Variants in ZC3H12D observed in about 807,000 individuals in gnomAD.
The protein encoded by ZC3H12D is probable ribonuclease ZC3H12D.
ZC3H12D carries 11 observed loss-of-function variants against 24.2 expected under a neutral mutation model. That is an observed-to-expected ratio of 0.46 (90% CI 0.29 to 0.75). The LOEUF (loss-of-function observed/expected upper bound fraction) is 0.75, where lower values mean the gene tolerates loss of function less well. Among genes scored for constraint, ZC3H12D ranks in the 30% least tolerant of loss-of-function variants. The pLI is 0.11. For synonymous variants in ZC3H12D, 333 were observed against 341.8 expected (o/e 0.97, Z 0.28); for missense variants, 740 against 767.7 (o/e 0.96, Z 0.43).
At chr6:149,482,584 C>T (rs1211493994) in intron 1 of ZC3H12D, among the ~76,000 whole-genome samples, 1 of 152,094 alleles carries the variant, frequency 6.6e-6, no homozygotes, top group Non-Finnish European at 1.5e-5. Flanking sequence ...GGGAGGGGGC[C>T]CCACGGCTGG....
chr6:149,460,477 C>A (rs1001636874), intron 3 of ZC3H12D, among the ~76,000 whole-genome samples: 9 of 152,150 alleles, frequency 5.9e-5, no homozygotes, highest in African/African-American at 1.7e-4. Context: ...AGAGGGATGG[C>A]TTGCGTCCAG....
chr6:149,464,236 C>G (rs1404097012), intron 2 of ZC3H12D, among the ~76,000 whole-genome samples: 1 of 152,148 alleles, frequency 6.6e-6, no homozygotes, highest in Non-Finnish European at 1.5e-5. Context: ...GGATGTGCAT[C>G]AGGAAAGCCA....
Position 149,456,989 on chromosome 6 carries a change from G to T in ZC3H12D, c.446-89C>A. The stretch of plus-strand genomic sequence containing the variant: ...CAACGCGAGGCCACCCGCTTCCCGG[G>T]CCGGTCAGATGAGGTTTTGAGGGGA... On this transcript the variant is annotated intron_variant, in intron 3 of 5. Coordinates refer to ENST00000409806, the MANE Select transcript of ZC3H12D (RefSeq NM_207360.3). The surrounding 1 kb of genome is among the most constrained non-coding windows in gnomAD (Gnocchi z 4.3). 1 of 1,343,070 alleles carries T rather than the reference G, an allele frequency of 7.4e-7. No individual in the cohort carries two copies. Among genetic ancestry groups the T allele is most frequent in the Non-Finnish European group, 1.0e-6 (1 of 981,284 alleles). 83.2% of individuals were successfully genotyped at this position (1,343,070 alleles called of 1,614,324 possible).
At chr6:149,468,042 C>T (rs770409021) in intron 2 of ZC3H12D, among the ~76,000 whole-genome samples, 14 of 152,126 alleles carry the variant, frequency 9.2e-5, no homozygotes, top group Non-Finnish European at 1.9e-4. Context: ...AGTGCAATGG[C>T]GCAATCTCAG....
At position 149,456,916 on chromosome 6, in the gene ZC3H12D, C is replaced by A; in HGVS notation, c.446-16G>T. On this transcript the variant is annotated splice_polypyrimidine_tract_variant and intron_variant, in intron 3 of 5. Transcript: ENST00000409806. This position sits in a 1 kb window ranked among gnomAD's most constrained non-coding sequence, Gnocchi z 4.3. The stretch of plus-strand genomic sequence containing the variant: ...ACGTGCTGCTCTGAGGGCGGGGCGA[C>A]GGAGACGCGGGTGAGGGCCCAAGGG... The A allele has an allele frequency of 4.4e-6, 7 of 1,588,820 alleles. No individual in the cohort carries two copies. Among genetic ancestry groups the A allele is most frequent in the East Asian group, 2.2e-5 (1 of 44,554 alleles).
chr6:149,458,115 T>TTTC (rs1388637695), intron 3 of ZC3H12D, among the ~76,000 whole-genome samples: 2 of 133,648 alleles, frequency 1.5e-5, no homozygotes, highest in Non-Finnish European at 3.0e-5. Flanking sequence ...CTTTTTCTTT[T>TTTC]TTTTTTTCGT....
chr6:149,460,444 C>A (rs1185164892), intron 3 of ZC3H12D, among the ~76,000 whole-genome samples: 2 of 152,210 alleles, frequency 1.3e-5, no homozygotes, highest in Admixed American at 1.3e-4. Flanking sequence ...GCCAGTAATC[C>A]TAGCACTTTG....
At chr6:149,474,866 G>A (rs1389654684) in intron 1 of ZC3H12D, among the ~76,000 whole-genome samples, 4 of 152,246 alleles carry the variant, frequency 2.6e-5, no homozygotes, top group African/African-American at 9.6e-5. Flanking sequence ...CACCAGGGCT[G>A]CAGGGGCTGA....
chr6:149,465,756 A>G (rs1386064780), intron 2 of ZC3H12D, among the ~76,000 whole-genome samples: 1 of 110,816 alleles, frequency 9.0e-6, no homozygotes, highest in South Asian at 2.5e-4. Flanking sequence ...CGCCATCTCA[A>G]AAAAAAAAAA....
intron 1 of ZC3H12D, among the ~76,000 whole-genome samples, chr6:149,481,503 G>A (rs1427856045): frequency 1.3e-5 from 2 of 151,616 alleles, no homozygotes; most frequent in Non-Finnish European, 2.9e-5. Flanking sequence ...AGCCTCCTGA[G>A]TAGCTGGGAC....
chr6:149,456,628 G>GGGGGACCACC lies in ZC3H12D; in HGVS notation c.680+37_680+38insGGTGGTCCCC. 1.3e-6 allele frequency: 1 copy of GGGGGACCACC among 787,348 alleles called. No homozygotes were observed. Among genetic ancestry groups the GGGGGACCACC allele is most frequent in the Admixed American group, 2.1e-5 (1 of 46,938 alleles). 48.8% of individuals were successfully genotyped at this position (787,348 alleles called of 1,614,324 possible). On this transcript the variant is annotated intron_variant, in intron 4 of 5. Transcript: ENST00000409806. This position sits in a 1 kb window ranked among gnomAD's most constrained non-coding sequence, Gnocchi z 4.3. The stretch of plus-strand genomic sequence containing the variant: ...TGCCTCGACCCCGGCCCCCCGCCCC[G>GGGGGACCACC]CCGCCCCCCAGGGTGTCAGGACCCC...
rs567749328 is a variant in ZC3H12D, at chr6:149,471,320, G to A, written c.305+2919C>T. Reference sequence around the variant, plus strand: ...GGCTAGGAAGCACAGGTGGGGGTCAGGGTCTGATTCCAGCCAGTGTTGACC... The same window carrying A: ...GGCTAGGAAGCACAGGTGGGGGTCAAGGTCTGATTCCAGCCAGTGTTGACC... On this transcript the variant is annotated intron_variant, in intron 2 of 5. Transcript: ENST00000409806. Among the ~76,000 whole-genome samples, 187 of 152,374 alleles carry A rather than the reference G, an allele frequency of 1.2e-3. 1 individual carries two copies. Among genetic ancestry groups the A allele is most frequent in the Admixed American group, 5.8e-3 (88 of 15,304 alleles).
chr6:149,458,432 A>G (rs545693293), intron 3 of ZC3H12D, among the ~76,000 whole-genome samples: 1 of 151,894 alleles, frequency 6.6e-6, no homozygotes, highest in East Asian at 1.9e-4. Flanking sequence ...ACCATGCCCC[A>G]CTGAGGATCA....
chr6:149,461,117 C>A (rs1324663689), intron 3 of ZC3H12D, among the ~76,000 whole-genome samples: 1 of 151,930 alleles, frequency 6.6e-6, no homozygotes, highest in Non-Finnish European at 1.5e-5. Flanking sequence ...TCGAGGTGGG[C>A]GGATCATGAA....
intron 3 of ZC3H12D, among the ~76,000 whole-genome samples, chr6:149,460,525 A>C (rs1363384239): frequency 6.6e-6 from 1 of 152,134 alleles, no homozygotes; most frequent in African/African-American, 2.4e-5. Context: ...GTGAAACCCC[A>C]TCTCTACAAA....
chr6:149,455,760 G>T (rs1163144449), intron 4 of ZC3H12D, among the ~76,000 whole-genome samples: 1 of 152,078 alleles, frequency 6.6e-6, no homozygotes, highest in East Asian at 1.9e-4. Flanking sequence ...TTCTGGGCTG[G>T]GCTCAGTGGC....
In ZC3H12D at chr6:149,447,521, T is replaced by G. The variant is rs1005243224; in HGVS notation, c.*3162A>C. ...CACCAAAGTGCTGGGATTACAGACA[T>G]GAGCCATCGTGCCCAGTCTAAACCC... On this transcript the variant is annotated 3_prime_UTR_variant, in exon 6 of 6. Transcript: ENST00000409806. 5.3e-5 allele frequency: 8 copies of G among 152,190 alleles called. No homozygotes were observed. Among genetic ancestry groups the G allele is most frequent in the Admixed American group, 4.6e-4 (7 of 15,278 alleles). 9.4% of individuals were successfully genotyped at this position (152,190 alleles called of 1,614,324 possible). A position where few individuals can be genotyped will look rare whatever the true frequency, so the allele number is the denominator to read the frequency against.
intron 3 of ZC3H12D, 108 bp downstream of exon 3, chr6:149,461,723 A>C (rs1187623511): frequency 7.9e-7 from 1 of 1,263,942 alleles, no homozygotes; most frequent in Non-Finnish European, 1.1e-6. Context: ...AGTGAGGAAG[A>C]CAAATATCAT....
intron 4 of ZC3H12D, among the ~76,000 whole-genome samples, chr6:149,455,519 G>A (rs1056232105): frequency 1.1e-4 from 17 of 152,152 alleles, no homozygotes; most frequent in Admixed American, 2.0e-4. Flanking sequence ...CACGCTGCTC[G>A]GGTCTCCAGA....
Sources: allele counts gnomAD v4.1 joint callset (sites outside exome capture counted in the v4.1 genomes callset), GRCh38; gene constraint gnomAD v4.1.1; non-coding constraint Gnocchi (gnomAD v3.1); transcripts MANE v1.5; gene names NCBI Gene and HGNC (gene_info 2026-07-23, HGNC 2026-07-21).